Variants in SPECC1 observed in about 807,000 individuals in gnomAD.
The protein encoded by SPECC1 is sperm antigen with calponin homology and coiled-coil domains 1, also known as cytospin-B.
Under a neutral mutation model 104.1 loss-of-function variants are expected in SPECC1, and 62 were observed. That is an observed-to-expected ratio of 0.60 (90% CI 0.49 to 0.74). SPECC1 has a LOEUF of 0.74. Ranked by LOEUF, SPECC1 falls within the 30% of genes least tolerant of loss-of-function variation. SPECC1 has a pLI of 0.00. For synonymous variants in SPECC1, 513 were observed against 501.6 expected, an observed-to-expected ratio of 1.02 and a Z score of -0.30; for missense variants, 1,306 against 1,310.5, an observed-to-expected ratio of 1.00 and a Z score of 0.05.
At chr17:20,275,760 G>A (rs17795703) in intron 12 of SPECC1, among the ~76,000 whole-genome samples, 8,566 of 152,250 alleles carry the variant, frequency 0.056, 323 homozygotes, top group Non-Finnish European at 0.084. Flanking sequence ...CTGAGCAGCC[G>A]AAGGCCCATC....
chr17:20,128,462 G>T (rs1366873631), intron 3 of SPECC1, among the ~76,000 whole-genome samples: 2 of 152,190 alleles, frequency 1.3e-5, no homozygotes, highest in African/African-American at 4.8e-5. Flanking sequence ...CACAAGGAGG[G>T]AGCAGGAAGC....
At chr17:20,242,623 T>A (rs182016855) in intron 7 of SPECC1, among the ~76,000 whole-genome samples, 12 of 152,334 alleles carry the variant, frequency 7.9e-5, no homozygotes, top group Admixed American at 4.6e-4. Flanking sequence ...TACTTAAAAT[T>A]TAGGAAGAAA....
Position 20,205,220 on chromosome 17 carries a change from C to T in SPECC1, c.1171C>T (p.Leu391=), listed in dbSNP as rs141481008. ...EENHHSTAEE[L]QATLQELSDQ... ...AAACCACCATAGCACTGCAGAAGAACTACAGGCTACTCTACAAGAATTATC... is the reference window on the plus strand; with the variant it reads ...AAACCACCATAGCACTGCAGAAGAATTACAGGCTACTCTACAAGAATTATC... The change falls in exon 4 of 15, where the codon CTA becomes TTA. Residue 391 remains leucine (L), a synonymous_variant. Coordinates refer to ENST00000395527, the MANE Select transcript of SPECC1 (RefSeq NM_001243439.2). 6.2e-7 allele frequency: 1 copy of T among 1,614,056 alleles called. No homozygotes were observed. Among genetic ancestry groups the T allele is most frequent in the Non-Finnish European group, 8.5e-7 (1 of 1,180,038 alleles).
intron 1 of SPECC1, among the ~76,000 whole-genome samples, chr17:20,015,493 CT>C (rs2044083744): frequency 6.7e-6 from 1 of 149,782 alleles, no homozygotes; most frequent in South Asian, 2.1e-4. Context: ...GGTCACCAAT[CT>C]AATATTTAGA....
At chr17:20,157,438 C>G (rs1229864026) in intron 3 of SPECC1, among the ~76,000 whole-genome samples, 2 of 152,042 alleles carry the variant, frequency 1.3e-5, no homozygotes, top group African/African-American at 4.8e-5. Flanking sequence ...GAATAACCAA[C>G]AATAAGCATA....
chr17:20,204,335 G>A lies in SPECC1; in HGVS notation c.286G>A (p.Ala96Thr), dbSNP rs1236611800. 1.9e-6 allele frequency: 3 copies of A among 1,603,266 alleles called. No individual in the cohort carries two copies. Among genetic ancestry groups the A allele is most frequent in the South Asian group, 1.1e-5 (1 of 88,630 alleles). ...TTTTTTCTTCTTCTGTCTTTAAGGG[G>A]CCTTTACAACAACTAAACGGACAGG... ...TESRLRSGTG[A>T]FTTTKRTGIP... The change falls in exon 4 of 15, where the codon GCC (alanine) becomes ACC (threonine). Residue 96 changes from alanine to threonine, a missense_variant and splice_region_variant. Physicochemically the swap from Ala to Thr is moderately conservative, Grantham distance 58 (BLOSUM62 0). Coordinates refer to ENST00000395527, the MANE Select transcript of SPECC1 (RefSeq NM_001243439.2).
chr17:20,275,077 A>T (rs2040533255), intron 12 of SPECC1, among the ~76,000 whole-genome samples: 1 of 152,066 alleles, frequency 6.6e-6, no homozygotes, highest in African/African-American at 2.4e-5. Flanking sequence ...GAATTATATC[A>T]AATTCCTTTT....
intron 2 of SPECC1, 99 bp from the exon 3 acceptor site, chr17:20,110,328 T>G: frequency 7.2e-7 from 1 of 1,396,040 alleles, no homozygotes; most frequent in Admixed American, 2.3e-5. Flanking sequence ...GTATCTTGAC[T>G]GCTGGGCACA....
intron 1 of SPECC1, among the ~76,000 whole-genome samples, chr17:20,047,022 A>G (rs1234857265): frequency 1.3e-5 from 2 of 152,038 alleles, no homozygotes; most frequent in African/African-American, 4.8e-5. Flanking sequence ...GCCGGGCGAG[A>G]GATGTTGGTA....
chr17:20,033,189 C>A (rs1260309610), intron 1 of SPECC1, among the ~76,000 whole-genome samples: 2 of 151,974 alleles, frequency 1.3e-5, no homozygotes. Context: ...GTCTCGAACT[C>A]CTGACCTAGG....
rs564042524 is a variant in SPECC1, at chr17:20,216,313, GC to G, written c.1863+10404del. 3.0e-3 allele frequency among the ~76,000 whole-genome samples: 456 copies of G among 152,224 alleles called. 3 individuals carry two copies. Among genetic ancestry groups the G allele is most frequent in the African/African-American group, 0.01 (432 of 41,522 alleles). ...TTTGCAGGAGCACTCATCTGGAGAT[GC>G]CCGAGGCCCATTGCCTTTCCTTAGG... On this transcript the variant is annotated intron_variant, in intron 4 of 14. Transcript: ENST00000395527.
chr17:20,240,830 T>C (rs1310027054), intron 7 of SPECC1, among the ~76,000 whole-genome samples: 1 of 152,268 alleles, frequency 6.6e-6, no homozygotes, highest in Non-Finnish European at 1.5e-5. Context: ...TTTTATTTTA[T>C]TGAATTTTAA....
rs1484210639 is a variant in SPECC1 at position 20,315,251 on chromosome 17, A to C, written c.*1186A>C. ...CCCAGGCCTCTTTCATCGGCATGGGAAAAGCCCTTAGGGGTGGGCGGTGAG... is the reference window on the plus strand; with the variant it reads ...CCCAGGCCTCTTTCATCGGCATGGGCAAAGCCCTTAGGGGTGGGCGGTGAG... On this transcript the variant is annotated 3_prime_UTR_variant, in exon 15 of 15. Transcript: ENST00000395527. 1 of 232,320 alleles carries C rather than the reference A, an allele frequency of 4.3e-6. No individual in the cohort carries two copies. The highest frequency in any genetic ancestry group is 8.5e-6 in the Non-Finnish European group (1 of 117,544). 14.4% of individuals were successfully genotyped at this position (232,320 alleles called of 1,614,324 possible).
intron 1 of SPECC1, chr17:20,017,524 C>T (rs2044192111): frequency 6.5e-6 from 1 of 153,008 alleles, no homozygotes; most frequent in Non-Finnish European, 1.5e-5. Context: ...CTTCATTCTC[C>T]AAGTCAGACC....
At chr17:20,221,024 G>A (rs1476272990) in intron 4 of SPECC1, among the ~76,000 whole-genome samples, 1 of 152,182 alleles carries the variant, frequency 6.6e-6, no homozygotes, top group African/African-American at 2.4e-5. Context: ...ACTTGGTCAT[G>A]ATGAATAATC....
At chr17:20,269,036 C>T (rs2040310619) in intron 12 of SPECC1, among the ~76,000 whole-genome samples, 1 of 152,220 alleles carries the variant, frequency 6.6e-6, no homozygotes, top group Non-Finnish European at 1.5e-5. Flanking sequence ...ACCGAAGAAG[C>T]AGCCCTGACA....
chr17:20,311,101 GTTT>G (rs58086529), intron 14 of SPECC1, among the ~76,000 whole-genome samples: 9,446 of 94,066 alleles, frequency 0.1, 396 homozygotes, highest in East Asian at 0.18. Flanking sequence ...CCTTAGTGGG[GTTT>G]TTTTTTTTTT....
At chr17:20,306,227 T>G (rs1422111877) in intron 14 of SPECC1, 145 bp downstream of exon 14, 1 of 637,110 alleles carries the variant, frequency 1.6e-6, no homozygotes, top group Non-Finnish European at 2.7e-6. Context: ...AGTTATCCAG[T>G]TGATATAATC....
At chr17:20,253,678 TAATCAG>T in intron 10 of SPECC1, 92 bp downstream of exon 10, 45 of 1,207,432 alleles carry the variant, frequency 3.7e-5, no homozygotes, top group Non-Finnish European at 5.3e-5. Flanking sequence ...CTTAGAAAAA[TAATCAG>T]TGGCATTTCT....
Sources: allele counts gnomAD v4.1 joint callset (sites outside exome capture counted in the v4.1 genomes callset), GRCh38; gene constraint gnomAD v4.1.1; transcripts MANE v1.5; gene names NCBI Gene and HGNC (gene_info 2026-07-23, HGNC 2026-07-21).